OCA2: variants seen among roughly 807,000 people sequenced by gnomAD.
OCA2 encodes the protein OCA2 melanosomal transmembrane protein.
In OCA2, 77 loss-of-function variants were observed where a neutral mutation model predicts 100.2. The observed-to-expected ratio is 0.77, with a 90% CI of 0.64 to 0.93. OCA2 has a LOEUF of 0.93. Among genes scored for constraint, OCA2 ranks in the 40% least tolerant of loss-of-function variants. The pLI is 0.00. For missense variants in OCA2, 1,062 were observed against 1,089.1 expected (o/e 0.98, Z 0.35); for synonymous variants, 432 against 439.2 (o/e 0.98, Z 0.21).
intron 22 of OCA2, among the ~76,000 whole-genome samples, chr15:27,847,615 G>T (rs1259983748): frequency 6.6e-6 from 1 of 152,200 alleles, no homozygotes; most frequent in Non-Finnish European, 1.5e-5. Context: ...AGGCCTGGAG[G>T]TTATGGGTCA....
chr15:27,843,826 G>T (rs1271341893), intron 23 of OCA2, among the ~76,000 whole-genome samples: 1 of 152,160 alleles, frequency 6.6e-6, no homozygotes, highest in Non-Finnish European at 1.5e-5. Flanking sequence ...GATGGCCAGG[G>T]TTCTGTTCCC....
chr15:27,933,078 C>T (rs193089967), intron 18 of OCA2, among the ~76,000 whole-genome samples: 39 of 152,244 alleles, frequency 2.6e-4, no homozygotes, highest in Admixed American at 4.6e-4. Flanking sequence ...ACTACTCAAT[C>T]GCAGTCTGTT....
chr15:27,910,223 G>C (rs2038334734), intron 19 of OCA2, among the ~76,000 whole-genome samples: 1 of 152,168 alleles, frequency 6.6e-6, no homozygotes, highest in South Asian at 2.1e-4. Context: ...CTAGGAAAAT[G>C]GCCACACTCA....
chr15:28,003,474 G>T (rs910349725), intron 9 of OCA2, among the ~76,000 whole-genome samples: 7 of 152,196 alleles, frequency 4.6e-5, no homozygotes, highest in Non-Finnish European at 1.0e-4. Flanking sequence ...TGCCGCGTTC[G>T]TCTCCCACAA....
chr15:27,915,588 C>T (rs2140298961), intron 19 of OCA2, among the ~76,000 whole-genome samples: 1 of 151,150 alleles, frequency 6.6e-6, no homozygotes, highest in South Asian at 2.1e-4. Context: ...TACACATGGC[C>T]AACAAGCATA....
At chr15:28,087,044 T>C (rs924095867) in intron 1 of OCA2, among the ~76,000 whole-genome samples, 3 of 152,182 alleles carry the variant, frequency 2.0e-5, no homozygotes, top group Admixed American at 6.5e-5. Flanking sequence ...GAAAACTTCC[T>C]AAATGTGGCA....
chr15:27,856,134 C>T (rs1312488997), intron 21 of OCA2, among the ~76,000 whole-genome samples: 3 of 152,272 alleles, frequency 2.0e-5, no homozygotes, highest in South Asian at 2.1e-4. Flanking sequence ...GAGCCTTCCC[C>T]GTGCCTGTGT....
At chr15:28,050,163 T>A (rs1306369459) in intron 2 of OCA2, among the ~76,000 whole-genome samples, 1 of 152,012 alleles carries the variant, frequency 6.6e-6, no homozygotes, top group Non-Finnish European at 1.5e-5. Flanking sequence ...CACATGCCTG[T>A]AGTCCCAGCT....
chr15:27,968,454 T>G (rs2040654829), intron 14 of OCA2, among the ~76,000 whole-genome samples: 1 of 152,212 alleles, frequency 6.6e-6, no homozygotes, highest in African/African-American at 2.4e-5. Context: ...AGAACGTTAG[T>G]GAGGATCCCA....
chr15:28,033,999 G>A (rs1004441849), intron 2 of OCA2, among the ~76,000 whole-genome samples: 1 of 152,072 alleles, frequency 6.6e-6, no homozygotes, highest in Non-Finnish European at 1.5e-5. Context: ...ATGCAATGTA[G>A]ATTAAAAGAA....
chr15:27,813,229 C>T (rs1412778648), intron 23 of OCA2, among the ~76,000 whole-genome samples: 1 of 152,162 alleles, frequency 6.6e-6, no homozygotes, highest in Non-Finnish European at 1.5e-5. Context: ...AGCTACTCCA[C>T]ATCAGGATGA....
intron 19 of OCA2, among the ~76,000 whole-genome samples, chr15:27,895,386 T>G (rs2037644436): frequency 6.6e-6 from 1 of 152,208 alleles, no homozygotes; most frequent in Non-Finnish European, 1.5e-5. Context: ...TTTGGAGGGC[T>G]CAGAATACAG....
intron 19 of OCA2, among the ~76,000 whole-genome samples, chr15:27,900,543 CTT>C (rs1567080414): frequency 6.6e-6 from 1 of 152,186 alleles, no homozygotes; most frequent in Non-Finnish European, 1.5e-5. Context: ...CTATGTGTCT[CTT>C]GTTTAAATTC....
At chr15:27,737,544 C>T in the OCA2 span, among the ~76,000 whole-genome samples, 2 of 151,838 alleles carry the variant, frequency 1.3e-5, no homozygotes, top group Non-Finnish European at 2.9e-5. Context: ...ATATCCATAC[C>T]AAAAAAATGC....
intron 1 of OCA2, among the ~76,000 whole-genome samples, chr15:28,094,590 G>A (rs896245385): frequency 1.6e-4 from 25 of 152,368 alleles, no homozygotes; most frequent in African/African-American, 5.8e-4. Context: ...ATGGTTCAGA[G>A]TCGGTGGAAC....
chr15:27,752,007 G>A (rs1403622516), downstream of OCA2, among the ~76,000 whole-genome samples: 1 of 152,186 alleles, frequency 6.6e-6, no homozygotes, highest in Non-Finnish European at 1.5e-5. Context: ...ACAAGACTGG[G>A]CCCCAGCAGA....
At chr15:27,767,124 ACCT>A (rs2031326398) in intron 23 of OCA2, among the ~76,000 whole-genome samples, 1 of 151,906 alleles carries the variant, frequency 6.6e-6, no homozygotes. Context: ...TGTACTTTTA[ACCT>A]CCTTGTCAAA....
At chr15:27,765,800 T>C (rs934203653) in intron 23 of OCA2, among the ~76,000 whole-genome samples, 15 of 152,222 alleles carry the variant, frequency 9.9e-5, no homozygotes, top group African/African-American at 3.6e-4. Context: ...TGCATTATAA[T>C]TGGTGTATAA....
the OCA2 span, among the ~76,000 whole-genome samples, chr15:27,730,758 TATATATATATATATATATATG>T: frequency 8.9e-5 from 12 of 134,254 alleles, no homozygotes; most frequent in Non-Finnish European, 1.6e-4. Context: ...TATATATATA[TATATATATATATATATATATG>T]TTTTTTTTTC....
Sources: allele counts gnomAD v4.1 joint callset (sites outside exome capture counted in the v4.1 genomes callset), GRCh38; gene constraint gnomAD v4.1.1; transcripts MANE v1.5; gene names NCBI Gene and HGNC (gene_info 2026-07-23, HGNC 2026-07-21).